The following DCLK3 variants were observed in gnomAD, a reference collection of about 807,000 sequenced individuals.
DCLK3 encodes serine/threonine-protein kinase DCLK3.
DCLK3 carries 30 observed loss-of-function variants against 46.4 expected under a neutral mutation model. That is an observed-to-expected ratio of 0.65 (90% confidence interval 0.48 to 0.88). The LOEUF is 0.88. Ranked by LOEUF, DCLK3 falls within the 40% of genes least tolerant of loss-of-function variation. The pLI, the probability that DCLK3 is intolerant of heterozygous loss-of-function variation, is 0.00. For synonymous variants in DCLK3, 401 were observed against 339.2 expected, an observed-to-expected ratio of 1.18 and a Z score of -2.00; for missense variants, 846 against 907.1, an observed-to-expected ratio of 0.93 and a Z score of 0.87.
At chr3:36,719,617 C>G (rs1473811817) in intron 3 of DCLK3, among the ~76,000 whole-genome samples, 1 of 152,226 alleles carries the variant, frequency 6.6e-6, no homozygotes, top group Non-Finnish European at 1.5e-5. Context: ...CCTCAAGAAT[C>G]TGTCCTTGGC....
At chr3:36,745,501 A>T (rs1701386333) in intron 1 of DCLK3, among the ~76,000 whole-genome samples, 1 of 152,254 alleles carries the variant, frequency 6.6e-6, no homozygotes. Flanking sequence ...CAACAAAAAG[A>T]TGACTAAAAA....
In DCLK3 at chr3:36,738,089, G is replaced by A; in HGVS notation, c.1078C>T (p.Pro360Ser). The A allele has an allele frequency of 1.9e-6, 3 of 1,613,570 alleles. No homozygotes were observed. The highest frequency in any genetic ancestry group is 2.2e-5 in the South Asian group (2 of 90,896). ...RSCRRSPEANPASGEEGWKGD... is the reference protein window; with the variant it reads ...RSCRRSPEANSASGEEGWKGD... ...TTCCACCCTTCCTCCCCACTTGCAG[G>A]ATTTGCCTCGGGAGACCTCCTGCAG... The change falls in exon 2 of 5, where the codon CCT becomes TCT. Residue 360 changes from proline to serine, a missense_variant. Pro to Ser is a moderately conservative substitution (Grantham distance 74, BLOSUM62 -1). Coordinates refer to ENST00000636136, the MANE Select transcript of DCLK3 (RefSeq NM_001394672.2).
chr3:36,731,158 G>A lies in DCLK3; in HGVS notation c.1959+6050C>T, dbSNP rs1238058446. On this transcript the variant is annotated intron_variant, in intron 2 of 4. Coordinates refer to ENST00000636136, the MANE Select transcript of DCLK3 (RefSeq NM_001394672.2). Reference sequence around the variant, plus strand: ...CTGGTCAGAGGTGGCCAGCCCAGCTGATGAAGGAATGGACTTTGGACTGTA... The same window carrying A: ...CTGGTCAGAGGTGGCCAGCCCAGCTAATGAAGGAATGGACTTTGGACTGTA... 2.0e-5 allele frequency among the ~76,000 whole-genome samples: 3 copies of A among 152,288 alleles called. No individual in the cohort carries two copies. In the East Asian group the frequency reaches 5.8e-4, roughly 30 times the overall value.
chr3:36,749,703 T>C (rs1479695857), intron 1 of DCLK3, among the ~76,000 whole-genome samples: 1 of 152,260 alleles, frequency 6.6e-6, no homozygotes, highest in South Asian at 2.1e-4. Context: ...TCCATTCATC[T>C]ACAGGAACGA....
chr3:36,762,319 T>A (rs79531007), intron 1 of DCLK3, among the ~76,000 whole-genome samples: 50 of 152,324 alleles, frequency 3.3e-4, no homozygotes, highest in African/African-American at 1.2e-3. Context: ...GAAGGGTCCA[T>A]GTTTTTATCT....
intron 4 of DCLK3, among the ~76,000 whole-genome samples, chr3:36,717,247 C>T (rs1015196198): frequency 6.6e-6 from 1 of 152,166 alleles, no homozygotes; most frequent in South Asian, 2.1e-4. Context: ...TCCAGAGCAA[C>T]TGGGACCACC....
chr3:36,723,554 A>C (rs1701087831), intron 2 of DCLK3, among the ~76,000 whole-genome samples: 1 of 152,124 alleles, frequency 6.6e-6, no homozygotes, highest in African/African-American at 2.4e-5. Context: ...TGGGCCCAGG[A>C]TCCCCATGCT....
chr3:36,756,868 C>T (rs1677254384), intron 1 of DCLK3, among the ~76,000 whole-genome samples: 1 of 151,628 alleles, frequency 6.6e-6, no homozygotes, highest in African/African-American at 2.4e-5. Flanking sequence ...TGCCTTCGCT[C>T]ACAGAACCTT....
intron 1 of DCLK3, among the ~76,000 whole-genome samples, chr3:36,757,615 A>G (rs921012653): frequency 6.6e-6 from 1 of 152,218 alleles, no homozygotes; most frequent in Non-Finnish European, 1.5e-5. Flanking sequence ...TTAATGTCCC[A>G]TAGAAGAAAA....
At chr3:36,715,569 G>A in intron 4 of DCLK3, 48 bp from the exon 5 acceptor site, 3 of 1,500,640 alleles carry the variant, frequency 2.0e-6, no homozygotes, top group Non-Finnish European at 2.7e-6. Context: ...AGGTGGTTCT[G>A]AATTTTTCTT....
intron 2 of DCLK3, among the ~76,000 whole-genome samples, chr3:36,729,418 C>G (rs374220494): frequency 2.0e-4 from 30 of 152,304 alleles, no homozygotes; most frequent in Middle Eastern, 3.4e-3. Flanking sequence ...GGTTGCTTTA[C>G]ATGGCACTGT....
At chr3:36,763,912 G>A (rs1020658247) in intron 1 of DCLK3, among the ~76,000 whole-genome samples, 6 of 152,214 alleles carry the variant, frequency 3.9e-5, no homozygotes, top group African/African-American at 1.4e-4. Context: ...GCTGGCGAGG[G>A]AAATAAAATC....
chr3:36,738,023 C>A lies in DCLK3; in HGVS notation c.1144G>T (p.Glu382Ter). The change falls in exon 2 of 5, where the codon GAG becomes TAG. Residue 382 changes from glutamate to a stop codon, truncating the protein, a stop_gained. Transcript: ENST00000636136. LOFTEE classifies it high-confidence loss of function. ...HRSSPRNPTQ[E>*]LRRPSKSMDK... ...ATGCTCTTGCTGGGTCTCCTCAGCT[C>A]TTGAGTGGGATTCCTGGGGCTGCTC... is the stretch of plus-strand genomic sequence containing the variant. 1 of 1,614,106 alleles carries A rather than the reference C, an allele frequency of 6.2e-7. No homozygotes were observed. The highest frequency in any genetic ancestry group is 8.5e-7 in the Non-Finnish European group (1 of 1,180,014).
chr3:36,763,244 T>C (rs1236340748), intron 1 of DCLK3, among the ~76,000 whole-genome samples: 1 of 152,210 alleles, frequency 6.6e-6, no homozygotes, highest in Non-Finnish European at 1.5e-5. Context: ...TGGAATCAAC[T>C]AGGAGGGGGT....
intron 1 of DCLK3, chr3:36,739,891 G>A (rs543565318): frequency 2.0e-5 from 3 of 152,006 alleles, no homozygotes; most frequent in Non-Finnish European, 2.9e-5. Flanking sequence ...GAAGGGCCAG[G>A]TTTGCTGCCC....
At chr3:36,732,248 G>A (rs1220155291) in intron 2 of DCLK3, among the ~76,000 whole-genome samples, 1 of 152,188 alleles carries the variant, frequency 6.6e-6, no homozygotes, top group African/African-American at 2.4e-5. Context: ...ATCCTTTTAG[G>A]TGGATGTTTC....
Position 36,715,367 on chromosome 3 carries a change from G to T in DCLK3, c.2415C>A (p.Phe805Leu), listed in dbSNP as rs781330977. ...KQVSPSSEGH[F>L]RSQHKRVVEQ... ...CCACAACCCTCTTGTGCTGGCTCCGGAAGTGACCCTCGCTGCTGGGGGACA... is the reference window on the plus strand; with the variant it reads ...CCACAACCCTCTTGTGCTGGCTCCGTAAGTGACCCTCGCTGCTGGGGGACA... Residue 805 changes from phenylalanine to leucine, a missense_variant, in exon 5 of 5, where the codon TTC (phenylalanine) becomes TTA (leucine). Coordinates refer to ENST00000636136, the MANE Select transcript of DCLK3 (RefSeq NM_001394672.2). 3.7e-6 allele frequency: 6 copies of T among 1,614,122 alleles called. No individual in the cohort carries two copies. In the South Asian group the frequency reaches 5.5e-5, roughly 15 times the overall value.
chr3:36,725,210 G>A (rs62245174), intron 2 of DCLK3, among the ~76,000 whole-genome samples: 13,813 of 152,038 alleles, frequency 0.091, 948 homozygotes, highest in East Asian at 0.31. Context: ...TACTCTGAAG[G>A]CTGAGGCAGA....
chr3:36,756,674 CT>C (rs762513445), intron 1 of DCLK3, among the ~76,000 whole-genome samples: 1 of 152,076 alleles, frequency 6.6e-6, no homozygotes, highest in Non-Finnish European at 1.5e-5. Context: ...GCTGTTATTG[CT>C]AGGAAATCTG....
Sources: gnomAD v4.1 joint callset for allele counts (sites outside exome capture counted in the v4.1 genomes callset) on GRCh38, gnomAD v4.1.1 for gene constraint, MANE v1.5 for transcripts, NCBI Gene and HGNC (gene_info 2026-07-23, HGNC 2026-07-21) for gene names.